Variants in NFATC2 observed in about 807,000 individuals in gnomAD.
The protein encoded by NFATC2 is nuclear factor of activated T-cells, cytoplasmic 2.
In NFATC2, 22 loss-of-function variants were observed where a neutral mutation model predicts 87.3. The ratio of observed to expected loss-of-function variants is 0.25; its 90% CI spans 0.18 to 0.36. NFATC2 has a LOEUF of 0.36. Among genes scored for constraint, NFATC2 ranks in the 10% least tolerant of loss-of-function variants. The probability of loss-of-function intolerance (pLI) is 1.00; values close to 1 mark genes in which losing one functional copy is unlikely to be tolerated. For missense variants in NFATC2, 1,149 were observed against 1,259.1 expected (o/e 0.91, Z 1.32); for synonymous variants, 565 against 542.2 (o/e 1.04, Z -0.58).
chr20:51,454,915 G>A (rs73615391), intron 5 of NFATC2, among the ~76,000 whole-genome samples: 11,923 of 152,224 alleles, frequency 0.078, 695 homozygotes, highest in East Asian at 0.2. Flanking sequence ...AACACATTTC[G>A]TTTTCATGAA....
intron 1 of NFATC2, among the ~76,000 whole-genome samples, chr20:51,541,900 G>A (rs541363164): frequency 1.8e-4 from 28 of 152,214 alleles, no homozygotes; most frequent in African/African-American, 6.3e-4. Context: ...GGGAAGGAGC[G>A]GCCTCCTACC....
intron 10 of NFATC2, among the ~76,000 whole-genome samples, chr20:51,395,630 A>ATC (rs1986961912): frequency 6.6e-6 from 1 of 151,448 alleles, no homozygotes; most frequent in Non-Finnish European, 1.5e-5. Flanking sequence ...ACTGATGGAG[A>ATC]ATGATCTCAG....
chr20:51,556,539 C>T lies in NFATC2; in HGVS notation c.70+6021G>A, dbSNP rs369056441. 1.3e-3 allele frequency among the ~76,000 whole-genome samples: 199 copies of T among 152,256 alleles called. 9 individuals are homozygous for T. In the South Asian group the frequency reaches 0.033, roughly 26 times the overall value. On this transcript the variant is annotated intron_variant, in intron 1 of 10. Transcript: ENST00000414705. Reference sequence around the variant, plus strand: ...AATCCCCAGCATCTTGGAAAGTACCCGGCACGTGATAGATCCCCAAACATC... The same window carrying T: ...AATCCCCAGCATCTTGGAAAGTACCTGGCACGTGATAGATCCCCAAACATC...
Position 51,432,199 on chromosome 20 carries a change from T to C in NFATC2, c.2590A>G (p.Ile864Val). 1 of 1,612,250 alleles carries C rather than the reference T, an allele frequency of 6.2e-7. No individual in the cohort carries two copies. The highest frequency in any genetic ancestry group is 8.5e-7 in the Non-Finnish European group (1 of 1,178,742). Residue 864 changes from isoleucine (I) to valine (V), a missense_variant, in exon 9 of 11, where the codon ATT (isoleucine) becomes GTT (valine). This residue lies in a region of NFATC2 where 581 missense variants were observed against 649.7 expected (regional missense o/e 0.89). Coordinates refer to ENST00000371564, the MANE Select transcript of NFATC2 (RefSeq NM_012340.5). The surrounding 1 kb of genome is among the most constrained non-coding windows in gnomAD (Gnocchi z 4.6). ...TGGCTCGTGGCATTCTGCTGCTGAA[T>C]GACTGTGGGGTAGGAACCCGGGCTC... The part of the protein sequence containing the change: ...RLSPGSYPTV[I>V]QQQNATSQRA...
In NFATC2 at chr20:51,523,284, G is replaced by A. The variant is rs2076481003; in HGVS notation, c.957C>T (p.Pro319=). ...CAGGGCTGGTCTTCCACATCTTGGG[G>A]GGGATCCCACAAGGCGAGTCCGTGG... The part of the protein sequence containing the change: ...SLATDSPCGI[P]PKMWKTSPDP... The change falls in exon 2 of 11, where the codon CCC becomes CCT. Residue 319 remains proline, a synonymous_variant. Transcript: ENST00000371564. This position sits in a 1 kb window ranked among gnomAD's most constrained non-coding sequence, Gnocchi z 6.9. 6.2e-7 allele frequency: 1 copy of A among 1,613,750 alleles called. No individual in the cohort carries two copies. Among genetic ancestry groups the A allele is most frequent in the Admixed American group, 1.7e-5 (1 of 59,998 alleles).
intron 5 of NFATC2, 85 bp downstream of exon 5, chr20:51,473,895 C>A: frequency 6.8e-7 from 1 of 1,464,328 alleles, no homozygotes. Flanking sequence ...ACCCCGGGTA[C>A]CTCGCCCAGA....
chr20:51,428,645 G>T (rs761750445), intron 9 of NFATC2, among the ~76,000 whole-genome samples: 2 of 152,176 alleles, frequency 1.3e-5, no homozygotes, highest in Non-Finnish European at 2.9e-5. Flanking sequence ...CTCAGAGCCG[G>T]GGGCTTCCCT....
intron 9 of NFATC2, among the ~76,000 whole-genome samples, chr20:51,399,435 TTC>T (rs1491057272): frequency 6.6e-6 from 1 of 152,196 alleles, no homozygotes; most frequent in Non-Finnish European, 1.5e-5. Flanking sequence ...TAGAAATGTT[TTC>T]TGAGTCCAAT....
At chr20:51,463,716 C>A (rs1987387391) in intron 5 of NFATC2, among the ~76,000 whole-genome samples, 1 of 152,200 alleles carries the variant, frequency 6.6e-6, no homozygotes, top group African/African-American at 2.4e-5. Context: ...TGCAGGCGCC[C>A]ACACCCTGCA....
intron 9 of NFATC2, among the ~76,000 whole-genome samples, chr20:51,408,792 A>C (rs1013760912): frequency 6.6e-6 from 1 of 152,172 alleles, no homozygotes; most frequent in African/African-American, 2.4e-5. Flanking sequence ...AGATTTTCTG[A>C]CCCACTGCTT....
intron 2 of NFATC2, among the ~76,000 whole-genome samples, chr20:51,520,105 G>A (rs974077978): frequency 6.6e-6 from 1 of 152,086 alleles, no homozygotes; most frequent in Non-Finnish European, 1.5e-5. Context: ...GGCACAGGTT[G>A]GTACTTGTGA....
At chr20:51,470,579 G>T (rs531958813) in intron 5 of NFATC2, among the ~76,000 whole-genome samples, 3 of 152,272 alleles carry the variant, frequency 2.0e-5, no homozygotes, top group Admixed American at 6.5e-5. Context: ...AATTAGCCTT[G>T]CAAATAAGTA....
intron 1 of NFATC2, among the ~76,000 whole-genome samples, chr20:51,551,771 T>C (rs965003117): frequency 2.6e-5 from 4 of 152,238 alleles, no homozygotes; most frequent in East Asian, 3.9e-4. Flanking sequence ...CTCATGCCTG[T>C]AATCCCAGCA....
At chr20:51,525,738 T>C (rs2076534388) in intron 1 of NFATC2, among the ~76,000 whole-genome samples, 1 of 152,008 alleles carries the variant, frequency 6.6e-6, no homozygotes, top group African/African-American at 2.4e-5. Context: ...GCCGCCGTCC[T>C]CTCCCATGGG....
intron 1 of NFATC2, among the ~76,000 whole-genome samples, chr20:51,555,298 C>G (rs1293553696): frequency 6.6e-6 from 1 of 152,150 alleles, no homozygotes; most frequent in Non-Finnish European, 1.5e-5. Flanking sequence ...AGACTCCTTA[C>G]AAGATCCTAT....
intron 3 of NFATC2, among the ~76,000 whole-genome samples, chr20:51,482,471 G>A (rs974101392): frequency 2.0e-5 from 3 of 152,028 alleles, no homozygotes; most frequent in African/African-American, 7.2e-5. Flanking sequence ...AAGCATTTGA[G>A]TGTACATCCT....
chr20:51,411,243 G>A (rs534843655), intron 9 of NFATC2, among the ~76,000 whole-genome samples: 1 of 152,274 alleles, frequency 6.6e-6, no homozygotes, highest in East Asian at 1.9e-4. Context: ...AGAAGTTCTG[G>A]TTCCAGGGCC....
chr20:51,494,408 A>G (rs2075953424), intron 3 of NFATC2, among the ~76,000 whole-genome samples: 1 of 152,008 alleles, frequency 6.6e-6, no homozygotes. Flanking sequence ...TTTACTTTCA[A>G]GTGGAAATGC....
chr20:51,522,636 T>C (rs1008639276), intron 2 of NFATC2, among the ~76,000 whole-genome samples: 1 of 151,718 alleles, frequency 6.6e-6, no homozygotes, highest in Non-Finnish European at 1.5e-5. Flanking sequence ...CAAACATCAC[T>C]TCCTCTTATA....
Sources: allele counts gnomAD v4.1 joint callset (sites outside exome capture counted in the v4.1 genomes callset), GRCh38; gene constraint gnomAD v4.1.1; regional missense constraint gnomAD v4.1.1; non-coding constraint Gnocchi (gnomAD v3.1); transcripts MANE v1.5; gene names NCBI Gene and HGNC (gene_info 2026-07-23, HGNC 2026-07-21).